Variants in CMIP observed in about 807,000 individuals in gnomAD.
CMIP encodes the protein c-Maf inducing protein.
A neutral mutation model predicts 97.3 loss-of-function variants in CMIP; 13 were observed. The ratio of observed to expected loss-of-function variants is 0.13; its 90% CI spans 0.09 to 0.21. CMIP has a LOEUF of 0.21. CMIP is among the 10% of genes least tolerant of loss of function. CMIP has a pLI of 1.00. For synonymous variants in CMIP, 538 were observed against 436.3 expected (o/e 1.23, Z -2.91); for missense variants, 847 against 1,024.9 (o/e 0.83, Z 2.37).
chr16:81,630,295 A>G (rs1477543517), intron 3 of CMIP: 2 of 152,276 alleles, frequency 1.3e-5, no homozygotes. Flanking sequence ...GGAGGATGCT[A>G]GGAGACGGGG....
intron 1 of CMIP, among the ~76,000 whole-genome samples, chr16:81,487,481 C>T (rs922890523): frequency 9.9e-5 from 15 of 152,156 alleles, no homozygotes; most frequent in Non-Finnish European, 1.5e-4. Context: ...GCCTGCCAAG[C>T]GGGCCGGCTT....
At chr16:81,654,828 G>A (rs748573723) in intron 4 of CMIP, among the ~76,000 whole-genome samples, 20 of 152,346 alleles carry the variant, frequency 1.3e-4, no homozygotes, top group Non-Finnish European at 2.4e-4. Context: ...GCACATAGAT[G>A]TGAGATAAAC....
intron 1 of CMIP, among the ~76,000 whole-genome samples, chr16:81,458,577 G>A (rs1906704207): frequency 6.6e-6 from 1 of 152,156 alleles, no homozygotes; most frequent in East Asian, 1.9e-4. Context: ...CAGGAAGGAG[G>A]AAACCCCCTG....
intron 1 of CMIP, chr16:81,464,956 C>G (rs558999808): frequency 1.3e-5 from 2 of 152,332 alleles, no homozygotes; most frequent in African/African-American, 4.8e-5. Flanking sequence ...ATCCATTCTT[C>G]GGTCGACAGA....
chr16:81,685,209 C>A (rs911180308), intron 10 of CMIP, among the ~76,000 whole-genome samples: 1 of 152,226 alleles, frequency 6.6e-6, no homozygotes, highest in Non-Finnish European at 1.5e-5. Context: ...CTTGCCCTCT[C>A]CCTCCTTCCC....
In CMIP at chr16:81,667,789, AGAGAGAGAGAGTGTGT is replaced by A. The variant is rs1345963981; in HGVS notation, c.826-2351_826-2336del. Among the ~76,000 whole-genome samples the A allele has an allele frequency of 9.7e-3, 1,056 of 109,232 alleles. 2 individuals carry two copies. Among genetic ancestry groups the A allele is most frequent in the East Asian group, 0.017 (33 of 1,982 alleles). 71.7% of individuals were successfully genotyped at this position (109,232 alleles called of 152,430 possible). ...GAAAGAGAGAGAGAGAGAGAGAGAG[AGAGAGAGAGAGTGTGT>A]GTGTGTGTGTGTGTGTGTGTGTGTG... On this transcript the variant is annotated intron_variant, in intron 7 of 20. Coordinates refer to ENST00000537098, the MANE Select transcript of CMIP (RefSeq NM_198390.3).
At chr16:81,651,608 G>C (rs555466520) in intron 3 of CMIP, among the ~76,000 whole-genome samples, 1 of 152,344 alleles carries the variant, frequency 6.6e-6, no homozygotes, top group East Asian at 1.9e-4. Context: ...GACATAGGCG[G>C]AAACAGTGCC....
At chr16:81,573,177 C>A (rs922211476) in intron 1 of CMIP, among the ~76,000 whole-genome samples, 7 of 152,112 alleles carry the variant, frequency 4.6e-5, no homozygotes, top group Admixed American at 2.6e-4. Flanking sequence ...AACCCCGTCT[C>A]TACTAAAAAT....
At chr16:81,673,135 G>A (rs1197499944) in intron 9 of CMIP, among the ~76,000 whole-genome samples, 1 of 152,208 alleles carries the variant, frequency 6.6e-6, no homozygotes, top group Non-Finnish European at 1.5e-5. Context: ...CCAAGACCAG[G>A]ATTTGGGTGG....
intron 1 of CMIP, chr16:81,476,394 T>G: frequency 8.8e-7 from 1 of 1,137,700 alleles, no homozygotes; most frequent in Non-Finnish European, 1.3e-6. Context: ...CTCCTTTCTC[T>G]CCAGTGCTCA....
At chr16:81,481,546 C>G (rs1287593144) in intron 1 of CMIP, among the ~76,000 whole-genome samples, 1 of 152,176 alleles carries the variant, frequency 6.6e-6, no homozygotes, top group Non-Finnish European at 1.5e-5. Context: ...TGGGGCCATG[C>G]CAGGGCCAGA....
At chr16:81,648,791 A>G (rs2092394499) in intron 3 of CMIP, among the ~76,000 whole-genome samples, 1 of 42,666 alleles carries the variant, frequency 2.3e-5, no homozygotes, top group South Asian at 6.9e-4. Context: ...TCAGAAAAAA[A>G]AAAAAAAAAA....
chr16:81,629,787 C>T (rs889079744), intron 3 of CMIP, among the ~76,000 whole-genome samples: 3 of 152,238 alleles, frequency 2.0e-5, no homozygotes, highest in South Asian at 2.1e-4. Flanking sequence ...GCTGCAGAAT[C>T]GTCCGTGAAG....
chr16:81,516,320 C>T (rs543244426), intron 1 of CMIP, among the ~76,000 whole-genome samples: 1 of 152,354 alleles, frequency 6.6e-6, no homozygotes, highest in East Asian at 1.9e-4. Context: ...TCGCGCTTCT[C>T]TCCCGTTTTA....
At chr16:81,704,782 G>A (rs936545224) in intron 18 of CMIP, among the ~76,000 whole-genome samples, 1 of 122,946 alleles carries the variant, frequency 8.1e-6, no homozygotes, top group African/African-American at 3.1e-5. Context: ...CTTACCACAC[G>A]ACCCTTCCCT....
At chr16:81,586,194 CCCACTTACCAGGCTCTTT>C (rs979346644) in intron 1 of CMIP, among the ~76,000 whole-genome samples, 1 of 151,730 alleles carries the variant, frequency 6.6e-6, no homozygotes, top group Admixed American at 6.6e-5. Context: ...TCATCAGGAC[CCCACTTACCAGGCTCTTT>C]CAGAGATGGG....
intron 1 of CMIP, among the ~76,000 whole-genome samples, chr16:81,588,518 G>A (rs1158095829): frequency 6.6e-6 from 1 of 152,154 alleles, no homozygotes; most frequent in Non-Finnish European, 1.5e-5. Flanking sequence ...TAGCCCCAGT[G>A]CTTCTCCAGC....
intron 5 of CMIP, among the ~76,000 whole-genome samples, chr16:81,658,496 T>C (rs890540544): frequency 6.6e-6 from 1 of 152,170 alleles, no homozygotes; most frequent in African/African-American, 2.4e-5. Flanking sequence ...AGAGAGTAAG[T>C]AGAGTGATAA....
chr16:81,504,870 A>G lies in CMIP; in HGVS notation c.300+59329A>G, dbSNP rs139891126. On this transcript the variant is annotated intron_variant, in intron 1 of 20. Transcript: ENST00000537098. ...GACATTCCAATGAAATTTTCATTAT[A>G]GTTTTCAAAAATATTGGTTTACAGT... Among the ~76,000 whole-genome samples the G allele has an allele frequency of 3.1e-4, 47 of 152,310 alleles. 1 individual carries two copies. The East Asian group carries it at 7.3e-3, about 24-fold the overall frequency.
Sources: gnomAD v4.1 joint callset for allele counts (sites outside exome capture counted in the v4.1 genomes callset) on GRCh38, gnomAD v4.1.1 for gene constraint, MANE v1.5 for transcripts, NCBI Gene and HGNC (gene_info 2026-07-23, HGNC 2026-07-21) for gene names.